SYT6: variants seen among roughly 807,000 people sequenced by gnomAD.
SYT6 encodes the protein synaptotagmin-6.
In SYT6, 24 loss-of-function variants were observed where a neutral mutation model predicts 38.4. That is an observed-to-expected ratio of 0.62 (90% CI 0.45 to 0.88). The LOEUF (loss-of-function observed/expected upper bound fraction) is 0.88, where lower values mean the gene tolerates loss of function less well. SYT6 is among the 40% of genes least tolerant of loss of function. The probability of loss-of-function intolerance (pLI) is 0.00; values close to 1 mark genes in which losing one functional copy is unlikely to be tolerated. For missense variants in SYT6, 611 were observed against 621.0 expected (o/e 0.98, Z 0.17); for synonymous variants, 265 against 241.9 (o/e 1.10, Z -0.89).
At chr1:114,117,214 G>A (rs1001594911) in intron 3 of SYT6, among the ~76,000 whole-genome samples, 1 of 152,234 alleles carries the variant, frequency 6.6e-6, no homozygotes, top group African/African-American at 2.4e-5. Context: ...CATGCTTGAG[G>A]TGGCTACCTG....
chr1:114,144,939 C>T (rs891024830), intron 1 of SYT6, among the ~76,000 whole-genome samples: 4 of 152,034 alleles, frequency 2.6e-5, no homozygotes, highest in African/African-American at 9.7e-5. Flanking sequence ...CCACCACCCC[C>T]TTCCCAAGCC....
At position 114,106,868 on chromosome 1, in the gene SYT6, C is replaced by T. The variant is rs553945367; in HGVS notation, c.1072-3147G>A. 1.1e-4 allele frequency among the ~76,000 whole-genome samples: 17 copies of T among 152,268 alleles called. No homozygotes were observed. In the South Asian group the frequency reaches 3.3e-3, roughly 30 times the overall value. On this transcript the variant is annotated intron_variant, in intron 3 of 7. Transcript: ENST00000610222. ...CCCCCAGCATCTAGTGACGAGAGCCCCTTTTGGGACAGGGTCCTTGCCTTG... is the reference window on the plus strand; with the variant it reads ...CCCCCAGCATCTAGTGACGAGAGCCTCTTTTGGGACAGGGTCCTTGCCTTG...
rs1172917874 is a variant in SYT6, at chr1:114,089,821, G to C, written c.*2313C>G. On this transcript the variant is annotated 3_prime_UTR_variant, in exon 8 of 8. Transcript: ENST00000610222. The stretch of plus-strand genomic sequence containing the variant: ...AGCAGCAGCGGTTGCAGTTGGCCAG[G>C]GTGGTGTGGGGCTGGCTAGAATCTG... 6.6e-6 allele frequency: 1 copy of C among 152,506 alleles called. No individual in the cohort carries two copies. The highest frequency in any genetic ancestry group is 1.5e-5 in the Non-Finnish European group (1 of 68,182). The allele number at this position is 152,506 out of a possible 1,614,324, so 9.4% of individuals were successfully genotyped here.
chr1:114,099,828 A>T (rs1675856460), intron 4 of SYT6, among the ~76,000 whole-genome samples: 1 of 152,140 alleles, frequency 6.6e-6, no homozygotes, highest in African/African-American at 2.4e-5. Context: ...CCACCTGACA[A>T]CATAATTTTG....
intron 3 of SYT6, among the ~76,000 whole-genome samples, chr1:114,105,314 C>CG (rs1040204947): frequency 1.1e-4 from 16 of 150,780 alleles, no homozygotes; most frequent in East Asian, 4.0e-4. Context: ...CTGTTCCCCC[C>CG]CTGGAGAATA....
At chr1:114,098,573 C>T (rs1474062600) in intron 5 of SYT6, among the ~76,000 whole-genome samples, 3 of 152,124 alleles carry the variant, frequency 2.0e-5, no homozygotes, top group Admixed American at 2.0e-4. Context: ...CCATCAGAGT[C>T]CAAGGGAAAA....
chr1:114,090,833 CA>C lies in SYT6; in HGVS notation c.*1300del, dbSNP rs1201373782. 1 of 152,506 alleles carries C rather than the reference CA, an allele frequency of 6.6e-6. No homozygotes were observed. Among genetic ancestry groups the C allele is most frequent in the African/African-American group, 2.4e-5 (1 of 41,382 alleles). The allele number at this position is 152,506 out of a possible 1,614,324, so 9.4% of individuals were successfully genotyped here. On this transcript the variant is annotated 3_prime_UTR_variant, in exon 8 of 8. Transcript: ENST00000610222. Reference sequence around the variant, plus strand: ...TGTGCTATTACAACACAGAATAGTTCAAACAATTTTTTTTTTCCTAAACTGA... The same window carrying C: ...TGTGCTATTACAACACAGAATAGTTCAACAATTTTTTTTTTCCTAAACTGA...
rs796755503 is a variant in SYT6 at position 114,092,070 on chromosome 1, C to T, written c.*64G>A. The T allele has an allele frequency of 2.6e-6, 4 of 1,536,272 alleles. No homozygotes were observed. In the African/African-American group the frequency reaches 5.5e-5, roughly 21 times the overall value. On this transcript the variant is annotated 3_prime_UTR_variant, in exon 8 of 8. Coordinates refer to ENST00000610222, the MANE Select transcript of SYT6 (RefSeq NM_001253772.2). ...GAGCTCTCACTGTCGAAGCTAGCAGCTCGGCCCTGCCACTGCAAAGAGGAG... is the reference window on the plus strand; with the variant it reads ...GAGCTCTCACTGTCGAAGCTAGCAGTTCGGCCCTGCCACTGCAAAGAGGAG...
At chr1:114,115,565 T>C (rs980993659) in intron 3 of SYT6, among the ~76,000 whole-genome samples, 3 of 151,942 alleles carry the variant, frequency 2.0e-5, no homozygotes, top group African/African-American at 4.8e-5. Flanking sequence ...TACAGGTGCA[T>C]GCCACCATGC....
intron 3 of SYT6, among the ~76,000 whole-genome samples, chr1:114,122,743 A>G (rs1677492505): frequency 6.6e-6 from 1 of 152,122 alleles, no homozygotes. Context: ...CTTGGATAGG[A>G]TTCACTAAAA....
chr1:114,098,842 A>AG (rs1281513508), intron 5 of SYT6, among the ~76,000 whole-genome samples: 2 of 152,214 alleles, frequency 1.3e-5, no homozygotes, highest in Non-Finnish European at 2.9e-5. Context: ...GCAAGGGGTG[A>AG]ATTCAGGGAA....
chr1:114,129,599 T>TC (rs754831455), intron 3 of SYT6, among the ~76,000 whole-genome samples: 23 of 108,430 alleles, frequency 2.1e-4, no homozygotes, highest in African/African-American at 7.4e-4. Context: ...TTTCTTTCTT[T>TC]CTTTCTTTCT....
chr1:114,118,361 T>G lies in SYT6; in HGVS notation c.1072-14640A>C, dbSNP rs201791786. 2.0e-5 allele frequency among the ~76,000 whole-genome samples: 3 copies of G among 152,272 alleles called. No individual in the cohort carries two copies. In the East Asian group the frequency reaches 5.8e-4, roughly 29 times the overall value. ...TATTTCCTCCCTTCCAGGCACCAAG[T>G]GCAGAGTGGCAGAAACAGAGTGAGG... On this transcript the variant is annotated intron_variant, in intron 3 of 7. Coordinates refer to ENST00000610222, the MANE Select transcript of SYT6 (RefSeq NM_001253772.2).
At chr1:114,094,830 A>G (rs995546503) in intron 6 of SYT6, among the ~76,000 whole-genome samples, 12 of 152,228 alleles carry the variant, frequency 7.9e-5, no homozygotes, top group African/African-American at 2.9e-4. Context: ...TTCTTGCTCA[A>G]TATCCAGAAC....
At chr1:114,127,392 T>C (rs1677809901) in intron 3 of SYT6, among the ~76,000 whole-genome samples, 1 of 152,140 alleles carries the variant, frequency 6.6e-6, no homozygotes, top group Non-Finnish European at 1.5e-5. Context: ...CTTTCTGGGT[T>C]CTTGGTGGAT....
At chr1:114,151,697 G>A (rs1421106744) in intron 1 of SYT6, among the ~76,000 whole-genome samples, 1 of 152,204 alleles carries the variant, frequency 6.6e-6, no homozygotes, top group African/African-American at 2.4e-5. Context: ...CACTGGAGAT[G>A]GATCATTGGT....
rs1189474935 is a variant in SYT6, at chr1:114,091,299, G to A, written c.*835C>T. 1.3e-5 allele frequency: 2 copies of A among 152,726 alleles called. No individual in the cohort carries two copies. Among genetic ancestry groups the A allele is most frequent in the African/African-American group, 4.8e-5 (2 of 41,444 alleles). 9.5% of individuals were successfully genotyped at this position (152,726 alleles called of 1,614,324 possible). ...AACTGTGGCGCATCAGAAAACATAT[G>A]GCGTGTTTAGTTTCGGCTGAACTGA... On this transcript the variant is annotated 3_prime_UTR_variant, in exon 8 of 8. Transcript: ENST00000610222.
chr1:114,113,753 A>G (rs779518826), intron 3 of SYT6, among the ~76,000 whole-genome samples: 3 of 152,098 alleles, frequency 2.0e-5, no homozygotes. Flanking sequence ...GCCGCCTCCT[A>G]TCTGCCTTCC....
chr1:114,133,567 A>G (rs1678290247), intron 3 of SYT6, among the ~76,000 whole-genome samples: 1 of 152,150 alleles, frequency 6.6e-6, no homozygotes, highest in Non-Finnish European at 1.5e-5. Flanking sequence ...AATGCCCAGG[A>G]GACTATCAGG....
Sources: allele counts gnomAD v4.1 joint callset (sites outside exome capture counted in the v4.1 genomes callset), GRCh38; gene constraint gnomAD v4.1.1; transcripts MANE v1.5; gene names NCBI Gene and HGNC (gene_info 2026-07-23, HGNC 2026-07-21).